Variants in CDH18 observed in about 807,000 individuals in gnomAD.
CDH18 encodes cadherin 18.
A neutral mutation model predicts 67.9 loss-of-function variants in CDH18; 31 were observed. The ratio of observed to expected loss-of-function variants is 0.46; its 90% confidence interval spans 0.34 to 0.62. CDH18 has a LOEUF of 0.62. CDH18 is among the 20% of genes least tolerant of loss of function. The probability of loss-of-function intolerance (pLI) is 0.01; values close to 1 mark genes in which losing one functional copy is unlikely to be tolerated. For synonymous variants in CDH18, 362 were observed against 347.2 expected (o/e 1.04, Z -0.48); for missense variants, 890 against 975.5 (o/e 0.91, Z 1.17).
chr5:20,143,824 G>T (rs530844214), intron 2 of CDH18, among the ~76,000 whole-genome samples: 2 of 152,088 alleles, frequency 1.3e-5, no homozygotes, highest in African/African-American at 4.8e-5. Context: ...TATTCAGATC[G>T]CATACCGTGG....
At chr5:19,591,370 T>C in intron 6 of CDH18, 126 bp from the exon 7 acceptor site, 1 of 498,278 alleles carries the variant, frequency 2.0e-6, no homozygotes, top group Non-Finnish European at 3.3e-6. Context: ...CAAATGGACT[T>C]TTTTAGATTT....
In CDH18 at chr5:20,528,032, A is replaced by G. The variant is rs140363793; in HGVS notation, c.-580+47430T>C. Among the ~76,000 whole-genome samples, 1,084 of 152,158 alleles carry G rather than the reference A, an allele frequency of 7.1e-3. 18 individuals are homozygous for G. Among genetic ancestry groups the G allele is most frequent in the African/African-American group, 0.023 (947 of 41,454 alleles). The stretch of plus-strand genomic sequence containing the variant: ...CAAGAGACGTGTCTCACATGCAAAA[A>G]CACACCTAGGATCAAAATAAAGGGA... On this transcript the variant is annotated intron_variant, in intron 1 of 14. Coordinates refer to the CDH18 transcript ENST00000507958.
intron 2 of CDH18, among the ~76,000 whole-genome samples, chr5:20,236,649 A>G (rs1742495650): frequency 6.6e-6 from 1 of 152,078 alleles, no homozygotes; most frequent in Non-Finnish European, 1.5e-5. Context: ...AGAAGAAATC[A>G]AGGAATTTAA....
At chr5:20,200,629 T>C (rs1027722019) in intron 2 of CDH18, among the ~76,000 whole-genome samples, 4 of 152,102 alleles carry the variant, frequency 2.6e-5, no homozygotes, top group South Asian at 2.1e-4. Flanking sequence ...TGAGCTGTGA[T>C]TGGGCCACCA....
chr5:20,391,218 C>T (rs562537345), intron 1 of CDH18, among the ~76,000 whole-genome samples: 3 of 151,888 alleles, frequency 2.0e-5, no homozygotes, highest in Non-Finnish European at 2.9e-5. Context: ...ATAACATAAA[C>T]ACATATATAA....
chr5:20,497,379 A>G (rs1055278411), intron 1 of CDH18, among the ~76,000 whole-genome samples: 4 of 152,134 alleles, frequency 2.6e-5, no homozygotes, highest in African/African-American at 7.2e-5. Flanking sequence ...ATAATACCAT[A>G]TTGTTATTGC....
intron 2 of CDH18, among the ~76,000 whole-genome samples, chr5:19,927,203 C>A (rs1793185377): frequency 6.6e-6 from 1 of 152,068 alleles, no homozygotes; most frequent in Non-Finnish European, 1.5e-5. Context: ...GCTATGCTAA[C>A]CTGCTCATAA....
At chr5:19,477,400 CA>C (rs375503594) in intron 12 of CDH18, among the ~76,000 whole-genome samples, 46 of 145,712 alleles carry the variant, frequency 3.2e-4, no homozygotes, top group East Asian at 6.0e-4. Context: ...TGTGGACAAA[CA>C]AAAAAAAAAT....
chr5:19,591,343 T>C (rs932495110), intron 6 of CDH18, 99 bp from the exon 7 acceptor site: 2 of 719,810 alleles, frequency 2.8e-6, no homozygotes, highest in Non-Finnish European at 4.1e-6. Flanking sequence ...AAATGAAGAC[T>C]ATATTAGGTA....
intron 1 of CDH18, among the ~76,000 whole-genome samples, chr5:20,450,308 TTGCACTCCAGCCTGG>T (rs940579809): frequency 2.6e-5 from 4 of 152,008 alleles, no homozygotes; most frequent in African/African-American, 9.7e-5. Flanking sequence ...GATCATGCCA[TTGCACTCCAGCCTGG>T]GCAACAAAAG....
intron 1 of CDH18, among the ~76,000 whole-genome samples, chr5:20,406,362 T>C (rs1013973893): frequency 6.6e-6 from 1 of 150,458 alleles, no homozygotes; most frequent in South Asian, 2.1e-4. Flanking sequence ...ATGTTCTCAC[T>C]CATAGGTGGG....
At chr5:20,420,685 T>A (rs1237310227) in intron 1 of CDH18, among the ~76,000 whole-genome samples, 1 of 151,294 alleles carries the variant, frequency 6.6e-6, no homozygotes, top group African/African-American at 2.5e-5. Flanking sequence ...CCAAAATTAC[T>A]TTAAATCTCT....
intron 12 of CDH18, among the ~76,000 whole-genome samples, chr5:19,476,156 C>A (rs1336208010): frequency 6.6e-6 from 1 of 151,650 alleles, no homozygotes; most frequent in East Asian, 1.9e-4. Context: ...ACCAAAAAGA[C>A]AGGAAAAAAA....
intron 2 of CDH18, among the ~76,000 whole-genome samples, chr5:20,002,962 A>C (rs1736572112): frequency 6.6e-6 from 1 of 151,284 alleles, no homozygotes; most frequent in South Asian, 2.1e-4. Context: ...AACCAACCAA[A>C]AAAAAAAAAA....
intron 2 of CDH18, among the ~76,000 whole-genome samples, chr5:20,234,202 T>C (rs1363663480): frequency 6.6e-6 from 1 of 152,116 alleles, no homozygotes; most frequent in African/African-American, 2.4e-5. Flanking sequence ...TTAGTTCAAA[T>C]AAGCAGGATC....
chr5:19,995,736 C>T (rs1382574859), intron 2 of CDH18, among the ~76,000 whole-genome samples: 1 of 151,842 alleles, frequency 6.6e-6, no homozygotes, highest in Non-Finnish European at 1.5e-5. Context: ...TATTATAAAT[C>T]ACATTTGCTT....
At chr5:19,879,416 A>AG (rs147703894) in intron 2 of CDH18, among the ~76,000 whole-genome samples, 4,989 of 152,028 alleles carry the variant, frequency 0.033, 254 homozygotes, top group African/African-American at 0.1. Flanking sequence ...AATGATGAAA[A>AG]GGGGAAAAAA....
chr5:20,231,374 C>G (rs990581431), intron 2 of CDH18, among the ~76,000 whole-genome samples: 10 of 152,014 alleles, frequency 6.6e-5, no homozygotes, highest in Non-Finnish European at 1.3e-4. Flanking sequence ...CTTTGGGAGG[C>G]TGAGGAGGGC....
At chr5:19,631,174 C>G (rs1027986785) in intron 5 of CDH18, among the ~76,000 whole-genome samples, 5 of 151,822 alleles carry the variant, frequency 3.3e-5, no homozygotes, top group Non-Finnish European at 1.5e-5. Flanking sequence ...AGGGAATTAA[C>G]TAAAGAGAGA....
Sources: gnomAD v4.1 joint callset for allele counts (sites outside exome capture counted in the v4.1 genomes callset) on GRCh38, gnomAD v4.1.1 for gene constraint, MANE v1.5 for transcripts, NCBI Gene and HGNC (gene_info 2026-07-23, HGNC 2026-07-21) for gene names.